The following TEK variants were observed in gnomAD, a reference collection of about 807,000 sequenced individuals.
The protein encoded by TEK is angiopoietin-1 receptor.
TEK carries 43 observed loss-of-function variants against 131.8 expected under a neutral mutation model. That is an observed-to-expected ratio of 0.33 (90% CI 0.26 to 0.42). TEK has a LOEUF of 0.42. Among genes scored for constraint, TEK ranks in the 10% least tolerant of loss-of-function variants. TEK has a pLI of 1.00. For missense variants in TEK, 1,162 were observed against 1,384.4 expected, an observed-to-expected ratio of 0.84 and a Z score of 2.55; for synonymous variants, 580 against 491.6, an observed-to-expected ratio of 1.18 and a Z score of -2.38.
chr9:27,221,340 G>A (rs1826070148), intron 21 of TEK, among the ~76,000 whole-genome samples: 1 of 152,186 alleles, frequency 6.6e-6, no homozygotes, highest in Admixed American at 6.6e-5. Flanking sequence ...GGCTGTTGGT[G>A]TAGCTTCAGC....
intron 11 of TEK, among the ~76,000 whole-genome samples, chr9:27,194,473 C>T: frequency 6.6e-6 from 1 of 152,138 alleles, no homozygotes; most frequent in Non-Finnish European, 1.5e-5. Context: ...AACCCAGAAA[C>T]TATATAGAGA....
chr9:27,158,266 C>A, intron 2 of TEK, 124 bp downstream of exon 2: 2 of 1,165,174 alleles, frequency 1.7e-6, no homozygotes, highest in Non-Finnish European at 2.5e-6. Flanking sequence ...GACGATCTTG[C>A]CTGTCTCTTT....
At chr9:27,220,730 C>T (rs189608889) in intron 21 of TEK, among the ~76,000 whole-genome samples, 21 of 152,330 alleles carry the variant, frequency 1.4e-4, no homozygotes, top group East Asian at 5.8e-4. Flanking sequence ...GGTGCCATGA[C>T]GAATGGTGCA....
chr9:27,168,200 T>C (rs139766647), intron 2 of TEK, among the ~76,000 whole-genome samples: 7 of 152,318 alleles, frequency 4.6e-5, no homozygotes, highest in African/African-American at 1.4e-4. Context: ...TCTGAACTAA[T>C]CAACACAAAG....
At chr9:27,195,721 T>C (rs1564090166) in intron 11 of TEK, 2 of 455,968 alleles carry the variant, frequency 4.4e-6, no homozygotes. Context: ...AAACCAGTGT[T>C]AATAGAGCCC....
intron 6 of TEK, among the ~76,000 whole-genome samples, chr9:27,177,818 T>C (rs1024578836): frequency 2.6e-5 from 4 of 152,208 alleles, no homozygotes; most frequent in African/African-American, 9.6e-5. Context: ...CAGGTTGTTT[T>C]CTTGCTATTA....
rs1340667005 is a variant in TEK, at chr9:27,229,276, G to GAGAAAACATGCCTCTGCT, written c.*44_*45insAGAAAACATGCCTCTGCT. ...CCTCTGTTTCCCTTTCACTGGCATG[G>GAGAAAACATGCCTCTGCT]GAGACCCTTGACACCTGCTGAGAAA... On this transcript the variant is annotated 3_prime_UTR_variant, in exon 23 of 23. Transcript: ENST00000380036. 2 of 1,588,322 alleles carry GAGAAAACATGCCTCTGCT rather than the reference G, an allele frequency of 1.3e-6. No individual in the cohort carries two copies. The highest frequency in any genetic ancestry group is 3.3e-5 in the Admixed American group (2 of 59,890).
At chr9:27,210,429 T>C in intron 16 of TEK, 1 of 197,758 alleles carries the variant, frequency 5.1e-6, no homozygotes. Context: ...AAAGTGGTGT[T>C]ATGACAGGAA....
chr9:27,209,700 A>G (rs1825533315), intron 16 of TEK, among the ~76,000 whole-genome samples: 1 of 152,156 alleles, frequency 6.6e-6, no homozygotes. Flanking sequence ...TAATTATAAG[A>G]AGCTTTCATG....
chr9:27,207,807 C>G (rs1825451199), intron 15 of TEK, among the ~76,000 whole-genome samples: 1 of 152,144 alleles, frequency 6.6e-6, no homozygotes, highest in Non-Finnish European at 1.5e-5. Flanking sequence ...CTTATTAAAT[C>G]ATCTCTGCTT....
intron 11 of TEK, among the ~76,000 whole-genome samples, chr9:27,193,188 G>A (rs1824884795): frequency 6.6e-6 from 1 of 152,082 alleles, no homozygotes; most frequent in African/African-American, 2.4e-5. Flanking sequence ...CTTCCTATAG[G>A]TAGCCACTTT....
rs998322778 is a variant in TEK, at chr9:27,144,996, A to C, written c.53-12835A>C. 2.0e-5 allele frequency among the ~76,000 whole-genome samples: 3 copies of C among 152,236 alleles called. No homozygotes were observed. The South Asian group carries it at 6.2e-4, about 31-fold the overall frequency. On this transcript the variant is annotated intron_variant, in intron 1 of 22. Transcript: ENST00000380036. ...GGAATAGAATATCGACTGTGCACAC[A>C]CTTCTAAAGATGAAGAAAATGTAAG...
chr9:27,206,634 A>G lies in TEK; in HGVS notation c.2417A>G (p.Lys806Arg), dbSNP rs1316256258. Residue 806 changes from lysine (K) to arginine (R), a missense_variant, in exon 15 of 23, where the codon AAG becomes AGG. Around this residue, in one of 6 missense-constraint regions of TEK, gnomAD observed 477 missense variants for 471.0 expected, o/e 1.01. Transcript: ENST00000380036. ...FNSGTLALNR[K>R]VKNNPDPTIY... The stretch of plus-strand genomic sequence containing the variant: ...TCAGGGACTCTGGCCCTAAACAGGA[A>G]GGTCAAAAACAACCCAGATCCTACA... The G allele has an allele frequency of 1.2e-6, 2 of 1,613,948 alleles. No homozygotes were observed. Among genetic ancestry groups the G allele is most frequent in the Admixed American group, 1.7e-5 (1 of 59,980 alleles).
At chr9:27,116,571 C>T (rs1821567918) in intron 1 of TEK, among the ~76,000 whole-genome samples, 1 of 152,130 alleles carries the variant, frequency 6.6e-6, no homozygotes, top group African/African-American at 2.4e-5. Context: ...GCGTGAGCCA[C>T]CGCACCTGGC....
chr9:27,218,598 A>G (rs1489901428), intron 19 of TEK, among the ~76,000 whole-genome samples, 179 bp from the exon 20 acceptor site: 3 of 152,190 alleles, frequency 2.0e-5, no homozygotes, highest in African/African-American at 7.2e-5. Context: ...TCTTTGTTGT[A>G]ACCCTTCCAT....
At position 27,228,066 on chromosome 9, in the gene TEK, T is replaced by A. The variant is rs974041947; in HGVS notation, c.3201-140T>A. The A allele has an allele frequency of 4.8e-6, 3 of 625,900 alleles. No individual in the cohort carries two copies. The Admixed American group carries it at 8.1e-5, about 17-fold the overall frequency. 38.8% of individuals were successfully genotyped at this position (625,900 alleles called of 1,614,324 possible). A position where few individuals can be genotyped will look rare whatever the true frequency, so the allele number is the denominator to read the frequency against. On this transcript the variant is annotated intron_variant, in intron 21 of 22. Coordinates refer to ENST00000380036, the MANE Select transcript of TEK (RefSeq NM_000459.5). ...TGGCTTAGGGAGGTGGGAGTCCTCA[T>A]AGAAACTTCCTAGGGGCTGTACTTT...
rs149222049 is a variant in TEK, at chr9:27,204,218, G to C, written c.2210-693G>C. The stretch of plus-strand genomic sequence containing the variant: ...GAAGAAAAGATAAATGAGAAGAGAG[G>C]GATACTTTTAAGAGGACGAGATCAT... On this transcript the variant is annotated intron_variant, in intron 13 of 22. Coordinates refer to ENST00000380036, the MANE Select transcript of TEK (RefSeq NM_000459.5). Among the ~76,000 whole-genome samples, 92 of 152,016 alleles carry C rather than the reference G, an allele frequency of 6.1e-4. No individual in the cohort carries two copies. In the East Asian group the frequency reaches 0.017, roughly 28 times the overall value.
intron 1 of TEK, among the ~76,000 whole-genome samples, chr9:27,130,082 A>C (rs1052833538): frequency 6.6e-6 from 1 of 152,228 alleles, no homozygotes; most frequent in Non-Finnish European, 1.5e-5. Flanking sequence ...CTTGAAGAAT[A>C]AGCAGGAAGA....
At chr9:27,221,180 C>T (rs377033589) in intron 21 of TEK, among the ~76,000 whole-genome samples, 73 of 152,272 alleles carry the variant, frequency 4.8e-4, no homozygotes, top group African/African-American at 9.9e-4. Flanking sequence ...TGGAGCCCAC[C>T]GCCGCTCCTC....
Sources: gnomAD v4.1 joint callset for allele counts (sites outside exome capture counted in the v4.1 genomes callset) on GRCh38, gnomAD v4.1.1 for gene constraint, gnomAD v4.1.1 regional missense constraint, MANE v1.5 for transcripts, NCBI Gene and HGNC (gene_info 2026-07-23, HGNC 2026-07-21) for gene names.